Variants in VAX2 observed in about 807,000 individuals in gnomAD.
VAX2 encodes ventral anterior homeobox 2.
Under a neutral mutation model 12.5 loss-of-function variants are expected in VAX2, and 8 were observed. That is an observed-to-expected ratio of 0.64 (90% confidence interval 0.37 to 1.15). VAX2 has a LOEUF of 1.15. VAX2 is among the 50% of genes most tolerant of loss of function. The pLI, the probability that VAX2 is intolerant of heterozygous loss-of-function variation, is 0.01. For missense variants in VAX2, 476 were observed against 412.9 expected, an observed-to-expected ratio of 1.15 and a Z score of -1.32; for synonymous variants, 183 against 187.6, an observed-to-expected ratio of 0.98 and a Z score of 0.20.
intron 2 of VAX2, among the ~76,000 whole-genome samples, chr2:70,930,035 A>G (rs569874326): frequency 6.6e-6 from 1 of 152,242 alleles, no homozygotes; most frequent in South Asian, 2.1e-4. Flanking sequence ...GTCACTTTTG[A>G]TTATTGAATC....
chr2:70,911,699 A>AT (rs1679190869), intron 1 of VAX2, among the ~76,000 whole-genome samples: 1 of 152,130 alleles, frequency 6.6e-6, no homozygotes, highest in Admixed American at 6.5e-5. Flanking sequence ...TAGCCCGAGT[A>AT]TTTTTTCATA....
intron 2 of VAX2, among the ~76,000 whole-genome samples, chr2:70,924,611 A>C (rs1366387878): frequency 1.3e-5 from 2 of 152,210 alleles, no homozygotes; most frequent in Non-Finnish European, 2.9e-5. Context: ...GTACCCATGA[A>C]GATGGCTTTA....
At chr2:70,927,484 TC>T (rs1679600347) in intron 2 of VAX2, among the ~76,000 whole-genome samples, 1 of 150,660 alleles carries the variant, frequency 6.6e-6, no homozygotes, top group South Asian at 2.1e-4. Flanking sequence ...GATGGTACCT[TC>T]CTAGTGCAGA....
At chr2:70,902,190 G>A (rs941341195) in intron 1 of VAX2, among the ~76,000 whole-genome samples, 6 of 152,220 alleles carry the variant, frequency 3.9e-5, no homozygotes, top group Admixed American at 2.0e-4. Context: ...ACTGGGGACT[G>A]GAGGGTAGAG....
rs1340621616 is a variant in VAX2, at chr2:70,927,980, C to G, written c.436-4787C>G. 2.6e-5 allele frequency among the ~76,000 whole-genome samples: 4 copies of G among 152,166 alleles called. No individual in the cohort carries two copies. In the South Asian group the frequency reaches 8.3e-4, roughly 32 times the overall value. ...TGCGGAGGTGTGCTGGCCCCGCCAC[C>G]CTGTGAAGTCGGCTAGGAATGGTTT... On this transcript the variant is annotated intron_variant, in intron 2 of 2. Transcript: ENST00000234392.
chr2:70,911,065 G>T (rs1553411179), intron 1 of VAX2, among the ~76,000 whole-genome samples: 1 of 152,154 alleles, frequency 6.6e-6, no homozygotes, highest in Non-Finnish European at 1.5e-5. Flanking sequence ...GACAAAAAAT[G>T]AGTTGAATCT....
intron 1 of VAX2, among the ~76,000 whole-genome samples, chr2:70,911,825 T>C (rs1287944701): frequency 2.0e-5 from 3 of 152,390 alleles, no homozygotes; most frequent in African/African-American, 7.2e-5. Flanking sequence ...ATTAGGACTC[T>C]GTTAAGAATT....
intron 1 of VAX2, among the ~76,000 whole-genome samples, chr2:70,912,120 CAT>C (rs1237850484): frequency 6.6e-6 from 1 of 152,214 alleles, no homozygotes; most frequent in African/African-American, 2.4e-5. Flanking sequence ...ACCAGATCCA[CAT>C]AGACACATGA....
At chr2:70,923,447 A>G (rs1200616596) in intron 2 of VAX2, among the ~76,000 whole-genome samples, 2 of 152,180 alleles carry the variant, frequency 1.3e-5, no homozygotes, top group Non-Finnish European at 2.9e-5. Flanking sequence ...ATCACTGAGT[A>G]TATTCAACAG....
chr2:70,904,764 G>T lies in VAX2; in HGVS notation c.247+3896G>T, dbSNP rs1034532410. 2.0e-5 allele frequency among the ~76,000 whole-genome samples: 3 copies of T among 152,368 alleles called. No individual in the cohort carries two copies. In the South Asian group the frequency reaches 6.2e-4, roughly 32 times the overall value. On this transcript the variant is annotated intron_variant, in intron 1 of 2. Coordinates refer to ENST00000234392, the MANE Select transcript of VAX2 (RefSeq NM_012476.3). The surrounding 1 kb of genome is among the most constrained non-coding windows in gnomAD (Gnocchi z 4.2). ...GGATGGCTGGGGGCTGAGGGGACGC[G>T]TGAAGCCCAGGCCTCTTGCTTGGGC...
chr2:70,932,749 C>T lies in VAX2; in HGVS notation c.436-18C>T, dbSNP rs781920830. ...CCTGTCCCATCTCCCTCCTTGACACCCCCTCCCCCACCCCAAGGTGAAGGT... is the reference window on the plus strand; with the variant it reads ...CCTGTCCCATCTCCCTCCTTGACACTCCCTCCCCCACCCCAAGGTGAAGGT... On this transcript the variant is annotated intron_variant, in intron 2 of 2. Coordinates refer to ENST00000234392, the MANE Select transcript of VAX2 (RefSeq NM_012476.3). 10 of 1,509,236 alleles carry T rather than the reference C, an allele frequency of 6.6e-6. No individual in the cohort carries two copies. Among genetic ancestry groups the T allele is most frequent in the Middle Eastern group, 1.8e-4 (1 of 5,534 alleles). The allele number at this position is 1,509,236 out of a possible 1,614,324, so 93.5% of individuals were successfully genotyped here.
At chr2:70,925,250 CA>C (rs1572897164) in intron 2 of VAX2, among the ~76,000 whole-genome samples, 1 of 152,240 alleles carries the variant, frequency 6.6e-6, no homozygotes, top group East Asian at 1.9e-4. Flanking sequence ...AAGGGACCCA[CA>C]GGGGAAAGGA....
chr2:70,911,255 C>A (rs1553411201), intron 1 of VAX2, among the ~76,000 whole-genome samples: 1 of 152,104 alleles, frequency 6.6e-6, no homozygotes, highest in African/African-American at 2.4e-5. Flanking sequence ...TAGTAGTATA[C>A]AATAAACATC....
At position 70,904,832 on chromosome 2, in the gene VAX2, G is replaced by A. The variant is rs985988004; in HGVS notation, c.247+3964G>A. 6.6e-6 allele frequency among the ~76,000 whole-genome samples: 1 copy of A among 152,372 alleles called. No homozygotes were observed. The highest frequency in any genetic ancestry group is 1.9e-4 in the East Asian group (1 of 5,178). On this transcript the variant is annotated intron_variant, in intron 1 of 2. Coordinates refer to ENST00000234392, the MANE Select transcript of VAX2 (RefSeq NM_012476.3). The surrounding 1 kb of genome is among the most constrained non-coding windows in gnomAD (Gnocchi z 4.2). ...GGGACGGGTGGGATTGACCTTAGTG[G>A]AGTCCAGTCCTTCGGAGAATCCGCG...
At chr2:70,930,925 C>T (rs921567945) in intron 2 of VAX2, among the ~76,000 whole-genome samples, 4 of 152,234 alleles carry the variant, frequency 2.6e-5, no homozygotes, top group African/African-American at 7.2e-5. Context: ...GGGTTGGCCT[C>T]TATGTTCCCA....
At position 70,923,871 on chromosome 2, in the gene VAX2, G is replaced by A. The variant is rs367728004; in HGVS notation, c.435+2586G>A. Among the ~76,000 whole-genome samples, 5 of 152,304 alleles carry A rather than the reference G, an allele frequency of 3.3e-5. No homozygotes were observed. In the South Asian group the frequency reaches 8.3e-4, roughly 25 times the overall value. On this transcript the variant is annotated intron_variant, in intron 2 of 2. Transcript: ENST00000234392. ...AGGCCGGCCTGGCACAGTGGCTCACGCCTGCAATCCCAGCACTTTGGGAGG... is the reference window on the plus strand; with the variant it reads ...AGGCCGGCCTGGCACAGTGGCTCACACCTGCAATCCCAGCACTTTGGGAGG...
At chr2:70,918,082 TG>T (rs1337973865) in intron 1 of VAX2, among the ~76,000 whole-genome samples, 3 of 152,304 alleles carry the variant, frequency 2.0e-5, no homozygotes, top group Admixed American at 6.5e-5. Flanking sequence ...GAATTGGAGT[TG>T]GGGAGCTTGA....
At position 70,932,896 on chromosome 2, in the gene VAX2, G is replaced by A. The variant is rs1445776477; in HGVS notation, c.565G>A (p.Gly189Ser). The change falls in exon 3 of 3, where the codon GGC becomes AGC. Residue 189 changes from glycine (G) to serine (S), a missense_variant. Coordinates refer to ENST00000234392, the MANE Select transcript of VAX2 (RefSeq NM_012476.3). Reference protein sequence around the residue: ...TSNILRLLEQGRLLSVPRAPS... With the variant: ...TSNILRLLEQSRLLSVPRAPS... The stretch of plus-strand genomic sequence containing the variant: ...CAACATTCTGCGGCTGCTGGAGCAG[G>A]GCCGGCTGCTCTCTGTGCCCAGGGC... The A allele has an allele frequency of 1.2e-6, 2 of 1,613,218 alleles. No homozygotes were observed. The highest frequency in any genetic ancestry group is 2.2e-5 in the East Asian group (1 of 44,828).
chr2:70,907,956 T>C (rs1350160121), intron 1 of VAX2, among the ~76,000 whole-genome samples: 14 of 152,256 alleles, frequency 9.2e-5, no homozygotes, highest in African/African-American at 3.4e-4. Flanking sequence ...GACTGTAGAA[T>C]TAAGTATTCC....
Sources: allele counts gnomAD v4.1 joint callset (sites outside exome capture counted in the v4.1 genomes callset), GRCh38; gene constraint gnomAD v4.1.1; non-coding constraint Gnocchi (gnomAD v3.1); transcripts MANE v1.5; gene names NCBI Gene and HGNC (gene_info 2026-07-23, HGNC 2026-07-21).